SLC43A3: variants seen among roughly 807,000 people sequenced by gnomAD.
The protein encoded by SLC43A3 is solute carrier family 43 member 3, also known as equilibrative nucleobase transporter 1.
In SLC43A3, 33 loss-of-function variants were observed where a neutral mutation model predicts 53.3. The observed-to-expected ratio is 0.62, with a 90% CI of 0.47 to 0.83. SLC43A3 has a LOEUF of 0.83. Ranked by LOEUF, SLC43A3 falls within the 40% of genes least tolerant of loss-of-function variation. The pLI, the probability that SLC43A3 is intolerant of heterozygous loss-of-function variation, is 0.00. For synonymous variants in SLC43A3, 236 were observed against 246.2 expected (o/e 0.96, Z 0.39); for missense variants, 530 against 610.0 (o/e 0.87, Z 1.38).
chr11:57,420,440 C>CCAGATAAAACTGGG, intron 7 of SLC43A3, among the ~76,000 whole-genome samples: 1 of 152,228 alleles, frequency 6.6e-6, no homozygotes, highest in Admixed American at 6.5e-5. Flanking sequence ...GGGTCACTGC[C>CCAGATAAAACTGGG]CAGATAAAAC....
chr11:57,415,836 T>C (rs1942694082), intron 9 of SLC43A3, among the ~76,000 whole-genome samples: 1 of 152,238 alleles, frequency 6.6e-6, no homozygotes, highest in Admixed American at 6.5e-5. Flanking sequence ...ATCAATTTTA[T>C]TCTGTATATT....
At position 57,426,039 on chromosome 11, in the gene SLC43A3, T is replaced by G. The variant is rs1943189486; in HGVS notation, c.134A>C (p.Asp45Ala). ...FVFKNEDYFK[D>A]LCGPDAGPIG... ...CGGCCCAGCATCTGGTCCACACAGA[T>G]CCTTAAAGTAATCTTCATTCTTGAA... Residue 45 changes from aspartate (D) to alanine (A), a missense_variant, in exon 3 of 14, where the codon GAT becomes GCT. Physicochemically the swap from Asp to Ala is moderately radical, Grantham distance 126. Around this residue, in one of 3 missense-constraint regions of SLC43A3, gnomAD observed 30 missense variants for 57.0 expected, o/e 0.53. Coordinates refer to ENST00000395124, the MANE Select transcript of SLC43A3 (RefSeq NM_199329.3). The G allele has an allele frequency of 6.2e-7, 1 of 1,614,118 alleles. No individual in the cohort carries two copies. Among genetic ancestry groups the G allele is most frequent in the African/African-American group, 1.3e-5 (1 of 74,944 alleles).
In SLC43A3 at chr11:57,416,558, G is replaced by T; in HGVS notation, c.769+15C>A. 6.2e-7 allele frequency: 1 copy of T among 1,606,520 alleles called. No homozygotes were observed. Among genetic ancestry groups the T allele is most frequent in the Non-Finnish European group, 8.5e-7 (1 of 1,173,384 alleles). ...TTGGGTCTGGAGGAGAGATGGGTTA[G>T]CCAGCAGGGCTCACCTTCCTTCGCT... On this transcript the variant is annotated intron_variant, in intron 9 of 13. Transcript: ENST00000395124.
At chr11:57,409,652 T>C (rs79615481) in intron 12 of SLC43A3, among the ~76,000 whole-genome samples, 4,847 of 152,240 alleles carry the variant, frequency 0.032, 270 homozygotes, top group African/African-American at 0.11. Flanking sequence ...ACTTTTCCAT[T>C]TCTTCCCTGG....
rs756049670 is a variant in SLC43A3, at chr11:57,424,193, G to C, written c.315-165C>G. 2.4e-5 allele frequency: 16 copies of C among 671,298 alleles called. No individual in the cohort carries two copies. The African/African-American group carries it at 2.7e-4, about 11-fold the overall frequency. The allele number at this position is 671,298 out of a possible 1,614,324, so 41.6% of individuals were successfully genotyped here. A position where few individuals can be genotyped will look rare whatever the true frequency, so the allele number is the denominator to read the frequency against. On this transcript the variant is annotated intron_variant, in intron 4 of 13. Coordinates refer to ENST00000395124, the MANE Select transcript of SLC43A3 (RefSeq NM_199329.3). ...CTGAGCCCCAGGCTCAAAACCAGGC[G>C]CAAGAAGCCGCGATGAGATTGAGAT...
intron 11 of SLC43A3, among the ~76,000 whole-genome samples, chr11:57,411,297 A>T (rs2134978665): frequency 6.6e-6 from 1 of 152,150 alleles, no homozygotes; most frequent in South Asian, 2.1e-4. Context: ...GAAACAAAAT[A>T]AAATGAAATC....
At position 57,407,484 on chromosome 11, in the gene SLC43A3, A is replaced by G; in HGVS notation, c.*308T>C. 1 of 269,530 alleles carries G rather than the reference A, an allele frequency of 3.7e-6. No individual in the cohort carries two copies. Among genetic ancestry groups the G allele is most frequent in the South Asian group, 5.2e-5 (1 of 19,128 alleles). 16.7% of individuals were successfully genotyped at this position (269,530 alleles called of 1,614,324 possible). A position where few individuals can be genotyped will look rare whatever the true frequency, so the allele number is the denominator to read the frequency against. On this transcript the variant is annotated 3_prime_UTR_variant, in exon 14 of 14. Transcript: ENST00000395124. ...ACAGGCCTAAAGAAATAGTTGACAC[A>G]CTTCCTCCCCCAGGTCATCTCCCCT... is the stretch of plus-strand genomic sequence containing the variant.
At chr11:57,425,429 G>T in intron 4 of SLC43A3, 112 bp downstream of exon 4, 1 of 1,119,606 alleles carries the variant, frequency 8.9e-7, no homozygotes, top group South Asian at 1.4e-5. Context: ...CTGCAGGTGT[G>T]GTGCCTGGCA....
chr11:57,411,173 T>C (rs143824304), intron 11 of SLC43A3, among the ~76,000 whole-genome samples: 88 of 152,280 alleles, frequency 5.8e-4, no homozygotes, highest in African/African-American at 1.9e-3. Flanking sequence ...TTTGAATATA[T>C]CTTGTTTCAC....
chr11:57,418,007 G>T, intron 7 of SLC43A3, 120 bp from the exon 8 acceptor site: 1 of 866,268 alleles, frequency 1.2e-6, no homozygotes, highest in Admixed American at 2.4e-5. Flanking sequence ...TAAACATAAT[G>T]TGATCTATAC....
rs776823539 is a variant in SLC43A3, at chr11:57,414,623, C to A, written c.1052G>T (p.Arg351Ile). Reference protein sequence around the residue: ...RLKQKYQKEARKTGSSTLAVA... With the variant: ...RLKQKYQKEAIKTGSSTLAVA... ...CCTCCCCCGCATCTCACCTGTCTTT[C>A]TTGCTTCCTTCTGGTACTTCTGTTT... The change falls in exon 11 of 14, where the codon AGA (arginine) becomes ATA (isoleucine). Residue 351 changes from arginine to isoleucine, a missense_variant. Physicochemically the swap from Arg to Ile is moderately conservative, Grantham distance 97. Around this residue, in one of 3 missense-constraint regions of SLC43A3, gnomAD observed 376 missense variants for 386.7 expected, o/e 0.97. Coordinates refer to ENST00000395124, the MANE Select transcript of SLC43A3 (RefSeq NM_199329.3). 1 of 1,586,970 alleles carries A rather than the reference C, an allele frequency of 6.3e-7. No homozygotes were observed. The highest frequency in any genetic ancestry group is 2.3e-5 in the East Asian group (1 of 43,120).
intron 9 of SLC43A3, chr11:57,415,497 C>A: frequency 1.1e-6 from 1 of 912,338 alleles, no homozygotes; most frequent in South Asian, 1.5e-5. Context: ...TGCTCCTCAG[C>A]ACCTCCCTTT....
At position 57,424,042 on chromosome 11, in the gene SLC43A3, C is replaced by A; in HGVS notation, c.315-14G>T. On this transcript the variant is annotated splice_polypyrimidine_tract_variant and intron_variant, in intron 4 of 13. Transcript: ENST00000395124. ...GTGTAGAAAAATCTGAAACACATAA[C>A]AGGAAAAGCAGAATATTGTCAAGGA... The A allele has an allele frequency of 2.5e-6, 4 of 1,613,420 alleles. No individual in the cohort carries two copies. Among genetic ancestry groups the A allele is most frequent in the Non-Finnish European group, 3.4e-6 (4 of 1,179,372 alleles).
Position 57,409,264 on chromosome 11 carries a change from G to A in SLC43A3, c.1282C>T (p.Leu428=), listed in dbSNP as rs762112096. The change falls in exon 13 of 14, where the codon CTG becomes TTG. Residue 428 remains leucine (L), a synonymous_variant. Coordinates refer to ENST00000395124, the MANE Select transcript of SLC43A3 (RefSeq NM_199329.3). ...ACCACAGCCGACAAGGCCATCACCA[G>A]CCCAAAGAGCTTGCCAAAGTGCTCT... The part of the protein sequence containing the change: ...PSEHFGKLFG[L]VMALSAVVSL... 1.9e-6 allele frequency: 3 copies of A among 1,614,092 alleles called. No individual in the cohort carries two copies. The highest frequency in any genetic ancestry group is 2.2e-5 in the South Asian group (2 of 91,090).
At chr11:57,423,124 C>A (rs976554044) in intron 5 of SLC43A3, among the ~76,000 whole-genome samples, 2 of 152,202 alleles carry the variant, frequency 1.3e-5, no homozygotes, top group African/African-American at 4.8e-5. Context: ...GCCCACCTCC[C>A]ACTTGCTTTC....
At chr11:57,420,921 G>C (rs777009996) in intron 7 of SLC43A3, 51 bp downstream of exon 7, 3 of 1,219,910 alleles carry the variant, frequency 2.5e-6, no homozygotes, top group African/African-American at 3.0e-5. Context: ...CACAAGACAA[G>C]TGTCTGGCAT....
intron 3 of SLC43A3, 24 bp from the exon 4 acceptor site, chr11:57,425,694 A>G (rs1448750906): frequency 1.2e-6 from 2 of 1,613,298 alleles, no homozygotes; most frequent in African/African-American, 2.7e-5. Context: ...AAGGTCTCCC[A>G]TGCATCCCAG....
rs757838079 is a variant in SLC43A3 at position 57,407,899 on chromosome 11, G to A, written c.1372-3C>T. The A allele has an allele frequency of 1.9e-6, 3 of 1,590,226 alleles. No individual in the cohort carries two copies. Among genetic ancestry groups the A allele is most frequent in the African/African-American group, 1.3e-5 (1 of 74,540 alleles). On this transcript the variant is annotated splice_region_variant and splice_polypyrimidine_tract_variant and intron_variant, in intron 13 of 13. Transcript: ENST00000395124. Reference sequence around the variant, plus strand: ...GCAAGCATGAACATCACATTCACCTGCAGGGAGAGCAGAAGTGAGGTGAAA... The same window carrying A: ...GCAAGCATGAACATCACATTCACCTACAGGGAGAGCAGAAGTGAGGTGAAA...
At chr11:57,408,583 A>T (rs1407170379) in intron 13 of SLC43A3, 1 of 153,486 alleles carries the variant, frequency 6.5e-6, no homozygotes, top group Non-Finnish European at 1.4e-5. Context: ...AAAAACAAAA[A>T]ACATTTAGTC....
Sources: allele counts gnomAD v4.1 joint callset (sites outside exome capture counted in the v4.1 genomes callset), GRCh38; gene constraint gnomAD v4.1.1; regional missense constraint gnomAD v4.1.1; transcripts MANE v1.5; gene names NCBI Gene and HGNC (gene_info 2026-07-23, HGNC 2026-07-21).